The following PARD3B variants were observed in gnomAD, a reference collection of about 807,000 sequenced individuals.
The protein encoded by PARD3B is partitioning defective 3 homolog B.
A neutral mutation model predicts 130.2 loss-of-function variants in PARD3B; 103 were observed. That is an observed-to-expected ratio of 0.79 (90% CI 0.67 to 0.93). The LOEUF is 0.93. PARD3B is among the 40% of genes least tolerant of loss of function. The pLI, the probability that PARD3B is intolerant of heterozygous loss-of-function variation, is 0.00. For synonymous variants in PARD3B, 583 were observed against 553.2 expected (o/e 1.05, Z -0.76); for missense variants, 1,609 against 1,499.2 (o/e 1.07, Z -1.21).
At chr2:205,399,521 A>AT (rs1306105623) in intron 18 of PARD3B, among the ~76,000 whole-genome samples, 6 of 151,696 alleles carry the variant, frequency 4.0e-5, no homozygotes, top group Admixed American at 6.6e-5. Flanking sequence ...CGCCCGGCTA[A>AT]TTTTTGTATT....
intron 3 of PARD3B, among the ~76,000 whole-genome samples, chr2:205,013,296 G>A (rs1695871074): frequency 6.6e-6 from 1 of 152,082 alleles, no homozygotes; most frequent in South Asian, 2.1e-4. Flanking sequence ...TCTTCTTCTA[G>A]TATTTATAAT....
chr2:205,066,664 C>T (rs1700395648), intron 4 of PARD3B, among the ~76,000 whole-genome samples: 1 of 152,128 alleles, frequency 6.6e-6, no homozygotes, highest in African/African-American at 2.4e-5. Flanking sequence ...GGAATATAAA[C>T]TGGTGTAACA....
intron 2 of PARD3B, among the ~76,000 whole-genome samples, chr2:204,823,342 T>G (rs1490069212): frequency 6.6e-6 from 1 of 151,964 alleles, no homozygotes; most frequent in Non-Finnish European, 1.5e-5. Flanking sequence ...ATATATTACA[T>G]TATTTTCAAT....
chr2:204,707,255 A>G (rs562816009), intron 2 of PARD3B, among the ~76,000 whole-genome samples: 62 of 152,288 alleles, frequency 4.1e-4, no homozygotes, highest in African/African-American at 1.5e-3. Context: ...CAAATTTATT[A>G]TGGTGGTGGT....
In PARD3B at chr2:205,272,099, A is replaced by T. The variant is rs529445545; in HGVS notation, c.2185+26277A>T. Among the ~76,000 whole-genome samples, 6 of 151,944 alleles carry T rather than the reference A, an allele frequency of 3.9e-5. No homozygotes were observed. In the South Asian group the frequency reaches 1.3e-3, roughly 32 times the overall value. On this transcript the variant is annotated intron_variant, in intron 16 of 22. Transcript: ENST00000406610. ...TTTGAACCCGGGAGGCAGAGTTTCC[A>T]GTGAGCTGAGATCACACCACTGCAC...
chr2:205,019,691 G>T (rs1326058466), intron 3 of PARD3B, among the ~76,000 whole-genome samples: 1 of 152,112 alleles, frequency 6.6e-6, no homozygotes, highest in African/African-American at 2.4e-5. Flanking sequence ...GTGTAAAGTG[G>T]TATTCACTGT....
chr2:205,523,716 C>G (rs1191239219), intron 21 of PARD3B, among the ~76,000 whole-genome samples: 1 of 151,474 alleles, frequency 6.6e-6, no homozygotes. Flanking sequence ...GACATAGATC[C>G]TACTATCTAG....
intron 1 of PARD3B, among the ~76,000 whole-genome samples, chr2:204,657,248 G>A (rs1038424075): frequency 6.6e-6 from 1 of 152,138 alleles, no homozygotes; most frequent in Non-Finnish European, 1.5e-5. Flanking sequence ...TGTGAGCTGG[G>A]CACAGTGACT....
At chr2:205,593,389 G>A (rs561336419) in intron 22 of PARD3B, among the ~76,000 whole-genome samples, 3 of 152,282 alleles carry the variant, frequency 2.0e-5, no homozygotes, top group Admixed American at 2.0e-4. Flanking sequence ...CCCCAACTGA[G>A]TGAGTGCCAC....
intron 5 of PARD3B, among the ~76,000 whole-genome samples, chr2:205,112,492 G>A (rs749809304): frequency 6.6e-6 from 1 of 152,054 alleles, no homozygotes; most frequent in African/African-American, 2.4e-5. Flanking sequence ...ATTTGTAGCA[G>A]CTGTAGCTCT....
chr2:205,435,468 C>A (rs2047480721), intron 19 of PARD3B, among the ~76,000 whole-genome samples: 1 of 151,970 alleles, frequency 6.6e-6, no homozygotes, highest in South Asian at 2.1e-4. Flanking sequence ...ATTTTCATAA[C>A]ATAAATTTGG....
At chr2:204,807,074 G>A (rs2125514251) in intron 2 of PARD3B, among the ~76,000 whole-genome samples, 1 of 152,250 alleles carries the variant, frequency 6.6e-6, no homozygotes, top group East Asian at 1.9e-4. Flanking sequence ...GCAAGAGTGT[G>A]TGTGCAGGGG....
Position 205,399,006 on chromosome 2 carries a change from C to T in PARD3B, c.2631-2007C>T, listed in dbSNP as rs535185108. Among the ~76,000 whole-genome samples, 47 of 152,214 alleles carry T rather than the reference C, an allele frequency of 3.1e-4. No homozygotes were observed. The South Asian group carries it at 8.1e-3, about 26-fold the overall frequency. ...AAGAATCGCTGGGCACGGTGGCTCA[C>T]GCCTGTAATCCCAGCACTTTGGGAG... On this transcript the variant is annotated intron_variant, in intron 18 of 22. Coordinates refer to ENST00000406610, the MANE Select transcript of PARD3B (RefSeq NM_001302769.2).
intron 1 of PARD3B, among the ~76,000 whole-genome samples, chr2:204,652,106 G>T (rs1412962490): frequency 6.6e-6 from 1 of 152,176 alleles, no homozygotes; most frequent in Non-Finnish European, 1.5e-5. Context: ...TTTCCCCATT[G>T]TCTTGGCTAT....
At position 205,466,801 on chromosome 2, in the gene PARD3B, C is replaced by T. The variant is rs148579684; in HGVS notation, c.3044+26129C>T. On this transcript the variant is annotated intron_variant, in intron 20 of 22. Transcript: ENST00000406610. ...AATCTCGGCTCACTGCAATCTCCAC[C>T]TCCCAGGTTCAAGCGATTCTTCTGC... 3.0e-4 allele frequency among the ~76,000 whole-genome samples: 46 copies of T among 152,352 alleles called. No individual in the cohort carries two copies. The East Asian group carries it at 8.7e-3, about 29-fold the overall frequency.
chr2:204,727,846 C>G (rs1220529977), intron 2 of PARD3B, among the ~76,000 whole-genome samples: 1 of 152,140 alleles, frequency 6.6e-6, no homozygotes, highest in African/African-American at 2.4e-5. Flanking sequence ...AAAAGTGAAG[C>G]AGAGGCCAAA....
intron 13 of PARD3B, among the ~76,000 whole-genome samples, chr2:205,180,585 C>CT (rs201402812): frequency 6.1e-4 from 88 of 143,604 alleles, no homozygotes; most frequent in Middle Eastern, 3.6e-3. Flanking sequence ...AAAACATTGG[C>CT]TTTTTTTTTT....
chr2:204,601,277 A>ATGAGTG (rs1420562045), intron 1 of PARD3B, among the ~76,000 whole-genome samples: 1 of 151,946 alleles, frequency 6.6e-6, no homozygotes, highest in Non-Finnish European at 1.5e-5. Context: ...AGTCATCTTA[A>ATGAGTG]TGAGTGTCAG....
chr2:204,607,014 C>T (rs1440822665), intron 1 of PARD3B, among the ~76,000 whole-genome samples: 1 of 152,130 alleles, frequency 6.6e-6, no homozygotes, highest in Admixed American at 6.6e-5. Context: ...GTTAGCAAGA[C>T]TTGAGATTGA....
Sources: allele counts gnomAD v4.1 joint callset (sites outside exome capture counted in the v4.1 genomes callset), GRCh38; gene constraint gnomAD v4.1.1; transcripts MANE v1.5; gene names NCBI Gene and HGNC (gene_info 2026-07-23, HGNC 2026-07-21).